The following AVEN variants were observed in gnomAD, a reference collection of about 807,000 sequenced individuals.
AVEN encodes apoptosis and caspase activation inhibitor, also known as cell death regulator Aven.
A neutral mutation model predicts 38.1 loss-of-function variants in AVEN; 41 were observed. The observed-to-expected ratio is 1.08, with a 90% CI of 0.84 to 1.40. AVEN has a LOEUF of 1.40. Ranked by LOEUF, AVEN falls within the 40% of genes most tolerant of loss-of-function variation. AVEN has a pLI of 0.00. For missense variants in AVEN, 605 were observed against 438.8 expected (o/e 1.38, Z -3.38); for synonymous variants, 206 against 171.8 (o/e 1.20, Z -1.56).
chr15:34,000,320 T>C (rs1897090071), intron 2 of AVEN, among the ~76,000 whole-genome samples: 1 of 152,238 alleles, frequency 6.6e-6, no homozygotes, highest in Non-Finnish European at 1.5e-5. Context: ...CACCACTCTA[T>C]GTCCAGCCTC....
At chr15:34,028,841 A>G (rs1304414415) in intron 1 of AVEN, among the ~76,000 whole-genome samples, 1 of 152,032 alleles carries the variant, frequency 6.6e-6, no homozygotes, top group Non-Finnish European at 1.5e-5. Flanking sequence ...CACCACCATC[A>G]TCGGCCACCA....
At chr15:33,989,818 A>T (rs927227491) in intron 2 of AVEN, among the ~76,000 whole-genome samples, 9 of 151,552 alleles carry the variant, frequency 5.9e-5, no homozygotes, top group Non-Finnish European at 1.3e-4. Context: ...AATTATCTTA[A>T]TTTTTTTAAG....
downstream of AVEN, chr15:33,854,678 G>A: frequency 6.7e-7 from 1 of 1,500,152 alleles, no homozygotes. Context: ...TCTATCCTCA[G>A]TGTGTCTCCC....
At chr15:33,998,885 C>T (rs676422) in intron 2 of AVEN, among the ~76,000 whole-genome samples, 145,577 of 152,238 alleles carry the variant, frequency 0.96, 69,947 homozygotes, top group East Asian at 1. Context: ...ATAACTCCCC[C>T]TGTCATCTCA....
intron 1 of AVEN, among the ~76,000 whole-genome samples, chr15:34,008,856 T>A (rs547764697): frequency 6.6e-6 from 1 of 151,790 alleles, no homozygotes; most frequent in Non-Finnish European, 1.5e-5. Context: ...GATTCATAGA[T>A]ACATAATAAA....
chr15:33,852,879 T>G, the AVEN span: 114 of 629,226 alleles, frequency 1.8e-4, no homozygotes, highest in Non-Finnish European at 3.1e-4. Flanking sequence ...CATGACTCAG[T>G]AGAGCCTGTG....
At chr15:33,930,259 A>T (rs1173906834) in intron 2 of AVEN, among the ~76,000 whole-genome samples, 1 of 152,030 alleles carries the variant, frequency 6.6e-6, no homozygotes, top group Non-Finnish European at 1.5e-5. Flanking sequence ...TATGGACCTG[A>T]TTTGGGATGA....
chr15:33,917,146 T>C (rs1184250556), intron 2 of AVEN, among the ~76,000 whole-genome samples: 11 of 152,000 alleles, frequency 7.2e-5, no homozygotes, highest in African/African-American at 2.7e-4. Flanking sequence ...TCAACCACTA[T>C]GGAAAACAGT....
chr15:33,933,514 CACACACACACAGAGAG>C (rs1567420581), intron 2 of AVEN, among the ~76,000 whole-genome samples: 19 of 120,610 alleles, frequency 1.6e-4, no homozygotes, highest in African/African-American at 6.1e-4. Flanking sequence ...CACACACACA[CACACACACACAGAGAG>C]AGAGAGAGAG....
rs150982208 is a variant in AVEN at position 33,949,639 on chromosome 15, A to G, written c.445+53393T>C. ...CTTTTCTGGGTGATGGAAACATTGTAAAATTAGACTGGGGAGATGTTGCAT... is the reference window on the plus strand; with the variant it reads ...CTTTTCTGGGTGATGGAAACATTGTGAAATTAGACTGGGGAGATGTTGCAT... On this transcript the variant is annotated intron_variant, in intron 2 of 5. Coordinates refer to ENST00000306730, the MANE Select transcript of AVEN (RefSeq NM_020371.3). 6.5e-3 allele frequency among the ~76,000 whole-genome samples: 985 copies of G among 152,304 alleles called. 2 individuals carry two copies. Among genetic ancestry groups the G allele is most frequent in the Middle Eastern group, 0.014 (4 of 294 alleles).
chr15:33,969,424 GA>G (rs577241045), intron 2 of AVEN, among the ~76,000 whole-genome samples: 3 of 151,328 alleles, frequency 2.0e-5, no homozygotes, highest in East Asian at 3.9e-4. Context: ...TTAATAGCTT[GA>G]AAAAAATGCA....
At chr15:33,932,884 A>T (rs1057032456) in intron 2 of AVEN, among the ~76,000 whole-genome samples, 2 of 148,352 alleles carry the variant, frequency 1.3e-5, no homozygotes, top group Non-Finnish European at 3.0e-5. Flanking sequence ...ATCTTGACAC[A>T]TCAGTGGTTT....
intron 2 of AVEN, among the ~76,000 whole-genome samples, chr15:33,916,634 T>C (rs778263449): frequency 6.6e-6 from 1 of 151,932 alleles, no homozygotes; most frequent in Non-Finnish European, 1.5e-5. Flanking sequence ...AAAACCACAA[T>C]GCAATACTAC....
chr15:33,960,109 G>C (rs997688323), intron 2 of AVEN, among the ~76,000 whole-genome samples: 3 of 152,100 alleles, frequency 2.0e-5, no homozygotes, highest in Non-Finnish European at 4.4e-5. Flanking sequence ...CAGATATGGA[G>C]GTTTCTTTTA....
intron 2 of AVEN, among the ~76,000 whole-genome samples, chr15:33,914,586 A>C (rs1893049009): frequency 6.6e-6 from 1 of 150,586 alleles, no homozygotes; most frequent in African/African-American, 2.4e-5. Flanking sequence ...TTTAACAGGC[A>C]TATAGGGAAA....
intron 2 of AVEN, among the ~76,000 whole-genome samples, chr15:33,949,394 T>C (rs553473111): frequency 3.0e-4 from 45 of 152,352 alleles, no homozygotes; most frequent in African/African-American, 1.1e-3. Context: ...TCAAAATATC[T>C]ATAAGATTTG....
intron 5 of AVEN, among the ~76,000 whole-genome samples, chr15:34,054,554 C>G (rs758708299): frequency 6.6e-5 from 10 of 152,232 alleles, no homozygotes; most frequent in Non-Finnish European, 1.3e-4. Flanking sequence ...GAAGCTATTA[C>G]CCTGAGCAGA....
intron 3 of AVEN, among the ~76,000 whole-genome samples, chr15:33,874,434 T>A (rs990810595): frequency 1.7e-4 from 26 of 152,158 alleles, no homozygotes; most frequent in Non-Finnish European, 1.9e-4. Flanking sequence ...ATCTTACCAT[T>A]TTCATGTTGT....
At chr15:33,884,407 TAGTC>T (rs1891616044) in intron 2 of AVEN, among the ~76,000 whole-genome samples, 1 of 152,190 alleles carries the variant, frequency 6.6e-6, no homozygotes. Context: ...CTTTTAAAAA[TAGTC>T]TGTCTTACAG....
Sources: gnomAD v4.1 joint callset for allele counts (sites outside exome capture counted in the v4.1 genomes callset) on GRCh38, gnomAD v4.1.1 for gene constraint, MANE v1.5 for transcripts, NCBI Gene and HGNC (gene_info 2026-07-23, HGNC 2026-07-21) for gene names.